The following IGSF21 variants were observed in gnomAD, a reference collection of about 807,000 sequenced individuals.
The protein encoded by IGSF21 is immunoglobulin superfamily member 21.
IGSF21 carries 28 observed loss-of-function variants against 46.8 expected under a neutral mutation model. The ratio of observed to expected loss-of-function variants is 0.60; its 90% CI spans 0.44 to 0.82. The LOEUF (loss-of-function observed/expected upper bound fraction) is 0.82. Ranked by LOEUF, IGSF21 falls within the 40% of genes least tolerant of loss-of-function variation. The probability of loss-of-function intolerance (pLI) is 0.00; values close to 1 mark genes in which losing one functional copy is unlikely to be tolerated. For missense variants in IGSF21, 624 were observed against 665.5 expected (o/e 0.94, Z 0.69); for synonymous variants, 284 against 273.6 (o/e 1.04, Z -0.38).
intron 1 of IGSF21, among the ~76,000 whole-genome samples, chr1:18,128,958 C>A (rs2124414763): frequency 6.6e-6 from 1 of 152,178 alleles, no homozygotes; most frequent in Admixed American, 6.5e-5. Flanking sequence ...CTGGAGCCCA[C>A]AGAGTATTGA....
chr1:18,134,088 T>C (rs1332785935), intron 1 of IGSF21, among the ~76,000 whole-genome samples: 2 of 152,138 alleles, frequency 1.3e-5, no homozygotes, highest in Non-Finnish European at 2.9e-5. Flanking sequence ...AGGAAGGTAA[T>C]GTGTGTTTTA....
At chr1:18,149,586 A>G (rs1436990583) in intron 1 of IGSF21, among the ~76,000 whole-genome samples, 1 of 148,156 alleles carries the variant, frequency 6.7e-6, no homozygotes, top group Non-Finnish European at 1.5e-5. Context: ...TGGCTGAGCC[A>G]CTCGTGCATG....
chr1:18,268,407 G>A (rs1414006485), intron 2 of IGSF21, among the ~76,000 whole-genome samples: 1 of 152,184 alleles, frequency 6.6e-6, no homozygotes, highest in Non-Finnish European at 1.5e-5. Context: ...TTTCTCCTTT[G>A]GCATTTGGCA....
At chr1:18,145,755 G>A (rs1198161005) in intron 1 of IGSF21, among the ~76,000 whole-genome samples, 14 of 152,320 alleles carry the variant, frequency 9.2e-5, no homozygotes, top group African/African-American at 2.4e-4. Flanking sequence ...TAAGGAATGC[G>A]CAGGGCACCT....
chr1:18,302,253 C>T (rs571676291), intron 3 of IGSF21, among the ~76,000 whole-genome samples: 80 of 152,294 alleles, frequency 5.3e-4, no homozygotes, highest in African/African-American at 1.8e-3. Context: ...AACCTGCCTG[C>T]TGTGCCCAGG....
chr1:18,242,948 A>G lies in IGSF21; in HGVS notation c.183+14938A>G, dbSNP rs559828628. Among the ~76,000 whole-genome samples the G allele has an allele frequency of 2.0e-5, 3 of 152,266 alleles. No homozygotes were observed. The South Asian group carries it at 6.2e-4, about 32-fold the overall frequency. On this transcript the variant is annotated intron_variant, in intron 2 of 9. Coordinates refer to ENST00000251296, the MANE Select transcript of IGSF21 (RefSeq NM_032880.5). ...AGCTATTCAAGAGTGAGGAAGGGAC[A>G]GTGGGCATGGCAAGTAGAGGTGAGA...
intron 6 of IGSF21, among the ~76,000 whole-genome samples, chr1:18,374,574 C>T (rs1389650636): frequency 6.6e-6 from 1 of 152,108 alleles, no homozygotes; most frequent in Non-Finnish European, 1.5e-5. Context: ...CAGCCCTTCC[C>T]TTCCCAGCGA....
At chr1:18,309,816 C>T (rs551619147) in intron 3 of IGSF21, among the ~76,000 whole-genome samples, 18 of 152,278 alleles carry the variant, frequency 1.2e-4, no homozygotes, top group African/African-American at 3.1e-4. Flanking sequence ...GGAGCAGGAC[C>T]GGCAGAGTGA....
intron 1 of IGSF21, among the ~76,000 whole-genome samples, chr1:18,150,173 A>T (rs1328550660): frequency 6.6e-6 from 1 of 152,148 alleles, no homozygotes; most frequent in East Asian, 1.9e-4. Flanking sequence ...GGATTGCTTC[A>T]GCCCAGGAGC....
intron 1 of IGSF21, among the ~76,000 whole-genome samples, chr1:18,192,838 C>T (rs1017432262): frequency 5.3e-5 from 8 of 152,032 alleles, no homozygotes; most frequent in African/African-American, 9.7e-5. Context: ...AGAAAATAAA[C>T]GTGAATATCC....
intron 2 of IGSF21, among the ~76,000 whole-genome samples, chr1:18,267,233 G>A (rs2084998341): frequency 6.6e-6 from 1 of 152,194 alleles, no homozygotes; most frequent in Non-Finnish European, 1.5e-5. Context: ...GCTGATTTGG[G>A]GAGATACGGG....
At chr1:18,282,297 T>C (rs1450427047) in intron 2 of IGSF21, among the ~76,000 whole-genome samples, 1 of 152,038 alleles carries the variant, frequency 6.6e-6, no homozygotes, top group Non-Finnish European at 1.5e-5. Flanking sequence ...AGGATGGGCT[T>C]CCGGGGAAAC....
chr1:18,151,821 A>G (rs908636424), intron 1 of IGSF21, among the ~76,000 whole-genome samples: 1 of 152,078 alleles, frequency 6.6e-6, no homozygotes, highest in Non-Finnish European at 1.5e-5. Flanking sequence ...AATTAAAGAG[A>G]TCCTAGTAGT....
At chr1:18,148,468 A>T (rs2086491075) in intron 1 of IGSF21, among the ~76,000 whole-genome samples, 1 of 152,194 alleles carries the variant, frequency 6.6e-6, no homozygotes, top group African/African-American at 2.4e-5. Context: ...AAAACGGACT[A>T]ATACAACACT....
chr1:18,185,876 C>A (rs1246616000), intron 1 of IGSF21, among the ~76,000 whole-genome samples: 3 of 152,218 alleles, frequency 2.0e-5, no homozygotes, highest in Non-Finnish European at 4.4e-5. Flanking sequence ...TGTATCCCTG[C>A]AGCTGGGCAA....
intron 2 of IGSF21, among the ~76,000 whole-genome samples, chr1:18,253,058 G>A (rs2084857692): frequency 6.6e-6 from 1 of 152,110 alleles, no homozygotes; most frequent in African/African-American, 2.4e-5. Context: ...TGCTGTCCCT[G>A]TGTCACCTTG....
At chr1:18,180,224 C>A (rs997027314) in intron 1 of IGSF21, among the ~76,000 whole-genome samples, 2 of 152,056 alleles carry the variant, frequency 1.3e-5, no homozygotes, top group Non-Finnish European at 2.9e-5. Context: ...AGATGTTTAC[C>A]AGGTTGTAGG....
chr1:18,141,321 G>A (rs1265215526), intron 1 of IGSF21, among the ~76,000 whole-genome samples: 1 of 152,144 alleles, frequency 6.6e-6, no homozygotes, highest in Admixed American at 6.5e-5. Context: ...TGAGGTGAAT[G>A]GTGGGCCAAA....
chr1:18,173,408 C>T (rs2086761850), intron 1 of IGSF21, among the ~76,000 whole-genome samples: 1 of 152,230 alleles, frequency 6.6e-6, no homozygotes, highest in Non-Finnish European at 1.5e-5. Context: ...GTTGTGTAAA[C>T]ACCACCACAG....
Sources: allele counts gnomAD v4.1 joint callset (sites outside exome capture counted in the v4.1 genomes callset), GRCh38; gene constraint gnomAD v4.1.1; transcripts MANE v1.5; gene names NCBI Gene and HGNC (gene_info 2026-07-23, HGNC 2026-07-21).